Variants in ABHD6 observed in about 807,000 individuals in gnomAD.
ABHD6 encodes the protein monoacylglycerol lipase ABHD6.
A neutral mutation model predicts 38.8 loss-of-function variants in ABHD6; 33 were observed. That is an observed-to-expected ratio of 0.85 (90% CI 0.64 to 1.14). The LOEUF (loss-of-function observed/expected upper bound fraction) is 1.14. Among genes scored for constraint, ABHD6 ranks in the 50% most tolerant of loss-of-function variants. ABHD6 has a pLI of 0.00. For synonymous variants in ABHD6, 147 were observed against 161.6 expected (o/e 0.91, Z 0.69); for missense variants, 380 against 422.6 (o/e 0.90, Z 0.88).
chr3:58,294,608 G>A lies in ABHD6; in HGVS notation c.*843G>A, dbSNP rs932247196. Reference sequence around the variant, plus strand: ...AATGTGCTACTAAGAACCCTTGGATGTAACATACTAGTTAGTTAATGAATT... The same window carrying A: ...AATGTGCTACTAAGAACCCTTGGATATAACATACTAGTTAGTTAATGAATT... On this transcript the variant is annotated 3_prime_UTR_variant, in exon 10 of 10. Transcript: ENST00000478253. 6.6e-6 allele frequency: 1 copy of A among 152,612 alleles called. No individual in the cohort carries two copies. The highest frequency in any genetic ancestry group is 1.5e-5 in the Non-Finnish European group (1 of 68,026). 9.5% of individuals were successfully genotyped at this position (152,612 alleles called of 1,614,324 possible). A position where few individuals can be genotyped will look rare whatever the true frequency, so the allele number is the denominator to read the frequency against.
Position 58,293,902 on chromosome 3 carries a change from C to T in ABHD6, c.*137C>T, listed in dbSNP as rs2097465358. ...CCCTGAGGAAGCCCGTCCCTTATCC[C>T]TGGTATCCACGGTTCCCCAGAGCTT... On this transcript the variant is annotated 3_prime_UTR_variant, in exon 10 of 10. Transcript: ENST00000478253. The surrounding 1 kb of genome is among the most constrained non-coding windows in gnomAD (Gnocchi z 4.4). 2 of 928,768 alleles carry T rather than the reference C, an allele frequency of 2.2e-6. No homozygotes were observed. The highest frequency in any genetic ancestry group is 3.1e-6 in the Non-Finnish European group (2 of 643,168). The allele number at this position is 928,768 out of a possible 1,614,324, so 57.5% of individuals were successfully genotyped here. A position where few individuals can be genotyped will look rare whatever the true frequency, so the allele number is the denominator to read the frequency against.
At chr3:58,261,399 G>C (rs2097436844) in intron 3 of ABHD6, among the ~76,000 whole-genome samples, 1 of 152,172 alleles carries the variant, frequency 6.6e-6, no homozygotes, top group African/African-American at 2.4e-5. Flanking sequence ...GGGAGGCAGA[G>C]GTGGGCGATT....
At chr3:58,281,699 C>T (rs57253424) in intron 7 of ABHD6, among the ~76,000 whole-genome samples, 3,428 of 152,314 alleles carry the variant, frequency 0.023, 129 homozygotes, top group African/African-American at 0.077. Context: ...TGCCGCAGAC[C>T]GGAGCTGTTC....
At position 58,285,142 on chromosome 3, in the gene ABHD6, AAGT is replaced by A; in HGVS notation, c.736+6_736+8del. 6.2e-7 allele frequency: 1 copy of A among 1,613,950 alleles called. No individual in the cohort carries two copies. The highest frequency in any genetic ancestry group is 8.5e-7 in the Non-Finnish European group (1 of 1,179,824). On this transcript the variant is annotated splice_donor_5th_base_variant and intron_variant, in intron 8 of 9. Transcript: ENST00000478253. The surrounding 1 kb of genome is among the most constrained non-coding windows in gnomAD (Gnocchi z 4.9). ...TCATAACAACTTCTACCGAAAGTGT[AAGT>A]AGCCCTACTTTCAGCTTGGAGCTTG...
chr3:58,255,006 C>T (rs1343169216), intron 2 of ABHD6, among the ~76,000 whole-genome samples: 3 of 152,016 alleles, frequency 2.0e-5, no homozygotes, highest in East Asian at 1.9e-4. Context: ...GCATGGGCCA[C>T]GGAACCCAGC....
intron 9 of ABHD6, among the ~76,000 whole-genome samples, chr3:58,286,720 C>T (rs1317867649): frequency 6.6e-6 from 1 of 150,850 alleles, no homozygotes; most frequent in East Asian, 1.9e-4. Flanking sequence ...CATACCTATA[C>T]ATATCTGAGC....
chr3:58,267,852 G>A lies in ABHD6; in HGVS notation c.276+507G>A, dbSNP rs996323316. 6.6e-6 allele frequency among the ~76,000 whole-genome samples: 1 copy of A among 151,948 alleles called. No homozygotes were observed. Among genetic ancestry groups the A allele is most frequent in the African/African-American group, 2.4e-5 (1 of 41,368 alleles). ...CCAGCACTTTGGGGAGGCCAAGGCAGGCAGATCACTTGAGCCCAGGAGTTT... is the reference window on the plus strand; with the variant it reads ...CCAGCACTTTGGGGAGGCCAAGGCAAGCAGATCACTTGAGCCCAGGAGTTT... On this transcript the variant is annotated intron_variant, in intron 4 of 9. Coordinates refer to ENST00000478253, the MANE Select transcript of ABHD6 (RefSeq NM_001320126.2). This position sits in a 1 kb window ranked among gnomAD's most constrained non-coding sequence, Gnocchi z 4.3.
At chr3:58,258,526 T>C in intron 3 of ABHD6, 1 of 295,532 alleles carries the variant, frequency 3.4e-6, no homozygotes. Flanking sequence ...TTCATGCCAC[T>C]GTCCAATTAT....
At position 58,266,410 on chromosome 3, in the gene ABHD6, G is replaced by A. The variant is rs1202536031; in HGVS notation, c.120-779G>A. ...AGTGAGCGGAAATTGCCCCAGCGTG[G>A]GTGACAGAGCGAGACTGTATCTAAA... On this transcript the variant is annotated intron_variant, in intron 3 of 9. Transcript: ENST00000478253. The surrounding 1 kb of genome is among the most constrained non-coding windows in gnomAD (Gnocchi z 4.0). Among the ~76,000 whole-genome samples the A allele has an allele frequency of 6.6e-6, 1 of 151,522 alleles. No homozygotes were observed. Among genetic ancestry groups the A allele is most frequent in the East Asian group, 1.9e-4 (1 of 5,174 alleles).
At chr3:58,240,257 T>C (rs995323564) in intron 1 of ABHD6, among the ~76,000 whole-genome samples, 1 of 152,094 alleles carries the variant, frequency 6.6e-6, no homozygotes, top group Non-Finnish European at 1.5e-5. Context: ...TTTTTTTTTT[T>C]AGAGATGAAG....
At chr3:58,268,049 T>G (rs2107452190) in intron 4 of ABHD6, among the ~76,000 whole-genome samples, 1 of 152,338 alleles carries the variant, frequency 6.6e-6, no homozygotes, top group South Asian at 2.1e-4. Flanking sequence ...CACTCCAGCC[T>G]GAGCAACAGG....
rs1291615132 is a variant in ABHD6 at position 58,269,755 on chromosome 3, G to A, written c.390+321G>A. ...TAGGGATCTCTCTTTCTGCTCACCA[G>A]TTATATGATAACAGTAATAGCCCCT... On this transcript the variant is annotated intron_variant, in intron 5 of 9. Transcript: ENST00000478253. The surrounding 1 kb of genome is among the most constrained non-coding windows in gnomAD (Gnocchi z 4.4). 6.6e-6 allele frequency among the ~76,000 whole-genome samples: 1 copy of A among 152,314 alleles called. No homozygotes were observed. The highest frequency in any genetic ancestry group is 1.9e-4 in the East Asian group (1 of 5,190).
chr3:58,261,725 G>T (rs2097437107), intron 3 of ABHD6, among the ~76,000 whole-genome samples: 1 of 152,100 alleles, frequency 6.6e-6, no homozygotes, highest in Non-Finnish European at 1.5e-5. Flanking sequence ...GATGTGGAGA[G>T]ATTGGAACCC....
At chr3:58,290,159 G>A (rs2097460954) in intron 9 of ABHD6, among the ~76,000 whole-genome samples, 1 of 113,598 alleles carries the variant, frequency 8.8e-6, no homozygotes, top group Non-Finnish European at 1.8e-5. Context: ...CGGCTGGCCG[G>A]GCGGGGGGCT....
chr3:58,278,063 T>C (rs1194808099), intron 7 of ABHD6, among the ~76,000 whole-genome samples: 1 of 152,192 alleles, frequency 6.6e-6, no homozygotes, highest in Non-Finnish European at 1.5e-5. Context: ...GGTCTAAAAT[T>C]CTCTTTTTTT....
intron 7 of ABHD6, among the ~76,000 whole-genome samples, chr3:58,281,037 A>T (rs1015677126): frequency 6.6e-6 from 1 of 152,194 alleles, no homozygotes; most frequent in Admixed American, 6.5e-5. Context: ...TCTCCCAGTT[A>T]GGCTACACGA....
chr3:58,262,695 TG>T (rs1286386982), intron 3 of ABHD6, among the ~76,000 whole-genome samples: 1 of 152,236 alleles, frequency 6.6e-6, no homozygotes, highest in South Asian at 2.1e-4. Context: ...ATCTGGGCCA[TG>T]GGTCTTTCAG....
rs34253200 is a variant in ABHD6, at chr3:58,256,096, C to CACACACACAG, written c.-25-457_-25-456insGACACACACA. 0.48 allele frequency among the ~76,000 whole-genome samples: 71,173 copies of CACACACACAG among 147,370 alleles called. 17,685 individuals carry two copies. Among genetic ancestry groups the CACACACACAG allele is most frequent in the African/African-American group, 0.64 (25,813 of 40,546 alleles). Reference sequence around the variant, plus strand: ...CCACCAACACACACACACACACACACACACACACACACATACACACACTAC... The same window carrying CACACACACAG: ...CCACCAACACACACACACACACACACACACACACAGACACACACACACATACACACACTAC... On this transcript the variant is annotated intron_variant, in intron 2 of 9. Transcript: ENST00000478253. The surrounding 1 kb of genome is among the most constrained non-coding windows in gnomAD (Gnocchi z 4.3).
In ABHD6 at chr3:58,257,741, C is replaced by G. The variant is rs116446686; in HGVS notation, c.119+1036C>G. On this transcript the variant is annotated intron_variant, in intron 3 of 9. Transcript: ENST00000478253. The surrounding 1 kb of genome is among the most constrained non-coding windows in gnomAD (Gnocchi z 4.8). Reference sequence around the variant, plus strand: ...GAAAAATGAACAAGAAAGACCAGAACCATTGAGATGGCATGTTTAGGACAG... The same window carrying G: ...GAAAAATGAACAAGAAAGACCAGAAGCATTGAGATGGCATGTTTAGGACAG... Among the ~76,000 whole-genome samples, 1,012 of 152,168 alleles carry G rather than the reference C, an allele frequency of 6.7e-3. 10 individuals are homozygous for G. Among genetic ancestry groups the G allele is most frequent in the African/African-American group, 0.023 (964 of 41,522 alleles).
Sources: allele counts gnomAD v4.1 joint callset (sites outside exome capture counted in the v4.1 genomes callset), GRCh38; gene constraint gnomAD v4.1.1; non-coding constraint Gnocchi (gnomAD v3.1); transcripts MANE v1.5; gene names NCBI Gene and HGNC (gene_info 2026-07-23, HGNC 2026-07-21).